Variants in MAP1S observed in about 807,000 individuals in gnomAD.
MAP1S encodes microtubule associated protein 1S.
MAP1S carries 27 observed loss-of-function variants against 60.9 expected under a neutral mutation model. That is an observed-to-expected ratio of 0.44 (90% CI 0.33 to 0.61). MAP1S has a LOEUF of 0.61. Among genes scored for constraint, MAP1S ranks in the 20% least tolerant of loss-of-function variants. The pLI, the probability that MAP1S is intolerant of heterozygous loss-of-function variation, is 0.03. For synonymous variants in MAP1S, 826 were observed against 694.2 expected, an observed-to-expected ratio of 1.19 and a Z score of -2.98; for missense variants, 1,608 against 1,486.6, an observed-to-expected ratio of 1.08 and a Z score of -1.34.
chr19:17,726,017 G>T lies in MAP1S; in HGVS notation c.633G>T (p.Leu211=). Residue 211 remains leucine (L), a synonymous_variant, in exon 5 of 7, where the codon CTG becomes CTT. Coordinates refer to ENST00000324096, the MANE Select transcript of MAP1S (RefSeq NM_018174.6). ...LPNSEGLCEF[L]EYVAESLEPP... ...ACTCTGAGGGCCTGTGCGAATTCCT[G>T]GAGTACGTGGCTGAGTCTCTGGAGC... The T allele has an allele frequency of 6.2e-7, 1 of 1,612,766 alleles. No homozygotes were observed. The highest frequency in any genetic ancestry group is 1.1e-5 in the South Asian group (1 of 90,942).
rs1210107198 is a variant in MAP1S at position 17,733,346 on chromosome 19, A to G, written c.2942A>G (p.Gln981Arg). The G allele has an allele frequency of 6.2e-7, 1 of 1,610,462 alleles. No individual in the cohort carries two copies. The highest frequency in any genetic ancestry group is 8.5e-7 in the Non-Finnish European group (1 of 1,179,052). The change falls in exon 6 of 7, where the codon CAG (glutamine) becomes CGG (arginine). Residue 981 changes from glutamine to arginine, a missense_variant. By Grantham distance (43) the Gln-to-Arg change is conservative (BLOSUM62 1). Around this residue, in one of 4 missense-constraint regions of MAP1S, gnomAD observed 1,167 missense variants for 961.4 expected, o/e 1.21. Coordinates refer to ENST00000324096, the MANE Select transcript of MAP1S (RefSeq NM_018174.6). The part of the protein sequence containing the change: ...VRALCYVISG[Q>R]DQRKEEGMRA... ...GCGCTCTGCTACGTCATCAGTGGCC[A>G]GGACCAGCGCAAGGAGGAAGGCATG...
intron 5 of MAP1S, among the ~76,000 whole-genome samples, chr19:17,729,922 A>G (rs948917904): frequency 6.6e-6 from 1 of 152,040 alleles, no homozygotes; most frequent in Non-Finnish European, 1.5e-5. Context: ...CGGCCTCCCA[A>G]AGTACTGGGA....
rs1286041812 is a variant in MAP1S, at chr19:17,727,760, C to T, written c.2376C>T (p.Pro792=). ...CCACATCGGTCAGCGAGTCCCTGCC[C>T]ACCCTGTCTGACTCGGATCCCGTGC... The part of the protein sequence containing the change: ...TPPTSVSESL[P]TLSDSDPVPL... The change falls in exon 5 of 7, where the codon CCC becomes CCT. Residue 792 remains proline, a synonymous_variant. Transcript: ENST00000324096. This position sits in a 1 kb window ranked among gnomAD's most constrained non-coding sequence, Gnocchi z 4.1. The T allele has an allele frequency of 6.2e-7, 1 of 1,609,292 alleles. No individual in the cohort carries two copies. Among genetic ancestry groups the T allele is most frequent in the African/African-American group, 1.3e-5 (1 of 74,864 alleles).
In MAP1S at chr19:17,725,852, G is replaced by A. The variant is rs747118489; in HGVS notation, c.468G>A (p.Thr156=). The A allele has an allele frequency of 1.2e-6, 2 of 1,612,570 alleles. No homozygotes were observed. The highest frequency in any genetic ancestry group is 1.3e-5 in the African/African-American group (1 of 74,880). Residue 156 remains threonine, a synonymous_variant, in exon 5 of 7, where the codon ACG becomes ACA. Transcript: ENST00000324096. The surrounding 1 kb of genome is among the most constrained non-coding windows in gnomAD (Gnocchi z 4.2). ...AGATCCGGGACATCCTGGCCACCACGCCCCCACCTGTGCAGCCGCCCATAC... is the reference window on the plus strand; with the variant it reads ...AGATCCGGGACATCCTGGCCACCACACCCCCACCTGTGCAGCCGCCCATAC... ...DREIRDILAT[T]PPPVQPPILT...
chr19:17,734,201 A>G, intron 6 of MAP1S, 72 bp from the exon 7 acceptor site: 2 of 1,356,688 alleles, frequency 1.5e-6, no homozygotes, highest in South Asian at 2.6e-5. Flanking sequence ...ACTTGGGCCC[A>G]GGCCAGAAGG....
chr19:17,723,316 G>A (rs2080387641), intron 2 of MAP1S, among the ~76,000 whole-genome samples: 1 of 152,150 alleles, frequency 6.6e-6, no homozygotes. Context: ...GGAGGCCGAG[G>A]CAGGCGGATC....
At chr19:17,730,907 T>TC (rs1269611258) in intron 5 of MAP1S, among the ~76,000 whole-genome samples, 1 of 151,410 alleles carries the variant, frequency 6.6e-6, no homozygotes, top group Non-Finnish European at 1.5e-5. Context: ...TTTTTTTTTT[T>TC]TTCAGATGAG....
Position 17,727,380 on chromosome 19 carries a change from C to A in MAP1S, c.1996C>A (p.Pro666Thr). The change falls in exon 5 of 7, where the codon CCA becomes ACA. Residue 666 changes from proline (P) to threonine (T), a missense_variant. By Grantham distance (38) the Pro-to-Thr change is conservative. Coordinates refer to ENST00000324096, the MANE Select transcript of MAP1S (RefSeq NM_018174.6). The surrounding 1 kb of genome is among the most constrained non-coding windows in gnomAD (Gnocchi z 4.1). Reference protein sequence around the residue: ...LSPLRGGEAGPDASPTVTTPT... With the variant: ...LSPLRGGEAGTDASPTVTTPT... ...CCCACTGCGGGGCGGGGAGGCCGGG[C>A]CAGACGCCTCACCCACAGTGACCAC... The A allele has an allele frequency of 6.3e-7, 1 of 1,591,130 alleles. No individual in the cohort carries two copies. Among genetic ancestry groups the A allele is most frequent in the Non-Finnish European group, 8.5e-7 (1 of 1,170,490 alleles).
At chr19:17,721,060 T>G in intron 2 of MAP1S, 23 bp downstream of exon 2, 2 of 1,589,632 alleles carry the variant, frequency 1.3e-6, no homozygotes, top group Non-Finnish European at 8.6e-7. Flanking sequence ...TCCCCCTGAC[T>G]GCTCCCTACC....
At position 17,734,386 on chromosome 19, in the gene MAP1S, C is replaced by T. The variant is rs2080520873; in HGVS notation, c.3138C>T (p.Ser1046=). 1 of 1,613,518 alleles carries T rather than the reference C, an allele frequency of 6.2e-7. No individual in the cohort carries two copies. Among genetic ancestry groups the T allele is most frequent in the East Asian group, 2.2e-5 (1 of 44,884 alleles). The part of the protein sequence containing the change: ...ITVLGSNSMV[S]MQDDAFPACK... Reference sequence around the variant, plus strand: ...TGTTGGGCAGCAACAGCATGGTGTCCATGCAGGATGACGCCTTCCCGGCCT... The same window carrying T: ...TGTTGGGCAGCAACAGCATGGTGTCTATGCAGGATGACGCCTTCCCGGCCT... Residue 1046 remains serine, a synonymous_variant, in exon 7 of 7, where the codon TCC becomes TCT. Coordinates refer to ENST00000324096, the MANE Select transcript of MAP1S (RefSeq NM_018174.6).
intron 1 of MAP1S, 73 bp downstream of exon 1, chr19:17,719,693 G>C: frequency 1.3e-6 from 1 of 783,628 alleles, no homozygotes. Context: ...GGGGCCGGCG[G>C]GGTGGGGCGG....
rs1319322880 is a variant in MAP1S at position 17,726,906 on chromosome 19, C to T, written c.1522C>T (p.Arg508Trp). ...RPGVARKEPA[R>W]AEAPRKTEKE... The stretch of plus-strand genomic sequence containing the variant: ...TGGGGTGGCCCGCAAGGAGCCAGCA[C>T]GGGCTGAGGCCCCACGCAAGACTGA... The change falls in exon 5 of 7, where the codon CGG becomes TGG. Residue 508 changes from arginine to tryptophan, a missense_variant. Physicochemically the swap from Arg to Trp is moderately radical, Grantham distance 101. Coordinates refer to ENST00000324096, the MANE Select transcript of MAP1S (RefSeq NM_018174.6). The T allele has an allele frequency of 4.5e-6, 7 of 1,561,820 alleles. No homozygotes were observed. The highest frequency in any genetic ancestry group is 2.4e-5 in the East Asian group (1 of 42,072).
intron 2 of MAP1S, chr19:17,721,579 T>G (rs1568289591): frequency 5.2e-6 from 1 of 191,110 alleles, no homozygotes; most frequent in Non-Finnish European, 1.1e-5. Flanking sequence ...GAGGCTGAGG[T>G]GGGAGGATCA....
intron 5 of MAP1S, among the ~76,000 whole-genome samples, chr19:17,731,597 C>G (rs1247735259): frequency 6.6e-6 from 1 of 152,132 alleles, no homozygotes; most frequent in Admixed American, 6.6e-5. Context: ...TCACATTGTT[C>G]ATTGTTCATG....
Position 17,733,313 on chromosome 19 carries a change from G to T in MAP1S, c.2909G>T (p.Arg970Leu). Residue 970 changes from arginine (R) to leucine (L), a missense_variant, in exon 6 of 7, where the codon CGC (arginine) becomes CTC (leucine). Around this residue, in one of 4 missense-constraint regions of MAP1S, gnomAD observed 1,167 missense variants for 961.4 expected, o/e 1.21. Coordinates refer to ENST00000324096, the MANE Select transcript of MAP1S (RefSeq NM_018174.6). ...AHLVDEEFFQ[R>L]VRALCYVISG... The stretch of plus-strand genomic sequence containing the variant: ...CTGGTGGATGAGGAGTTCTTCCAGC[G>T]CGTGCGCGCGCTCTGCTACGTCATC... 1 of 1,601,492 alleles carries T rather than the reference G, an allele frequency of 6.2e-7. No individual in the cohort carries two copies. The highest frequency in any genetic ancestry group is 8.5e-7 in the Non-Finnish European group (1 of 1,175,134).
At chr19:17,729,963 C>T (rs554046141) in intron 5 of MAP1S, among the ~76,000 whole-genome samples, 3 of 152,158 alleles carry the variant, frequency 2.0e-5, no homozygotes, top group African/African-American at 7.2e-5. Context: ...GCCCAGCCTA[C>T]GCCCAGCTAA....
At position 17,726,026 on chromosome 19, in the gene MAP1S, G is replaced by C; in HGVS notation, c.642G>C (p.Val214=). The C allele has an allele frequency of 6.2e-7, 1 of 1,613,058 alleles. No individual in the cohort carries two copies. The highest frequency in any genetic ancestry group is 8.5e-7 in the Non-Finnish European group (1 of 1,179,690). Residue 214 remains valine (V), a synonymous_variant, in exon 5 of 7, where the codon GTG becomes GTC. Transcript: ENST00000324096. Reference sequence around the variant, plus strand: ...GCCTGTGCGAATTCCTGGAGTACGTGGCTGAGTCTCTGGAGCCACCGTCCC... The same window carrying C: ...GCCTGTGCGAATTCCTGGAGTACGTCGCTGAGTCTCTGGAGCCACCGTCCC... ...SEGLCEFLEY[V]AESLEPPSPF...
chr19:17,724,934 G>T (rs527693509), intron 3 of MAP1S, 115 bp from the exon 4 acceptor site: 2 of 1,336,534 alleles, frequency 1.5e-6, no homozygotes, highest in East Asian at 2.3e-5. Flanking sequence ...TGGGCTGGTC[G>T]TGGGGTGAGG....
chr19:17,724,162 A>G lies in MAP1S; in HGVS notation c.257A>G (p.Glu86Gly). Residue 86 changes from glutamate to glycine, a missense_variant, in exon 3 of 7, where the codon GAG (glutamate) becomes GGG (glycine). Glu to Gly is a moderately conservative substitution (Grantham distance 98). Coordinates refer to ENST00000324096, the MANE Select transcript of MAP1S (RefSeq NM_018174.6). ...RSLHHRGDNLETLVLLNPSDK... is the reference protein window; with the variant it reads ...RSLHHRGDNLGTLVLLNPSDK... ...CTGCACCACCGTGGAGACAACCTGG[A>G]GACCCTGGTCCTCCTGAACCCATCA... 6.2e-7 allele frequency: 1 copy of G among 1,613,978 alleles called. No homozygotes were observed. Among genetic ancestry groups the G allele is most frequent in the Non-Finnish European group, 8.5e-7 (1 of 1,179,976 alleles).
Sources: allele counts gnomAD v4.1 joint callset (sites outside exome capture counted in the v4.1 genomes callset), GRCh38; gene constraint gnomAD v4.1.1; regional missense constraint gnomAD v4.1.1; non-coding constraint Gnocchi (gnomAD v3.1); transcripts MANE v1.5; gene names NCBI Gene and HGNC (gene_info 2026-07-23, HGNC 2026-07-21).